Variants in CUBN observed in about 807,000 individuals in gnomAD.
The protein encoded by CUBN is 460 kDa receptor.
Under a neutral mutation model 405.3 loss-of-function variants are expected in CUBN, and 282 were observed. That is an observed-to-expected ratio of 0.70 (90% CI 0.63 to 0.77). CUBN has a LOEUF of 0.77. CUBN is among the 30% of genes least tolerant of loss of function. The pLI, the probability that CUBN is intolerant of heterozygous loss-of-function variation, is 0.00. For missense variants in CUBN, 4,514 were observed against 4,475.2 expected (o/e 1.01, Z -0.25); for synonymous variants, 1,684 against 1,617.0 (o/e 1.04, Z -0.99).
At chr10:16,887,732 C>G (rs1840861442) in intron 56 of CUBN, among the ~76,000 whole-genome samples, 2 of 152,116 alleles carry the variant, frequency 1.3e-5, no homozygotes, top group Non-Finnish European at 2.9e-5. Flanking sequence ...GGCATAGATC[C>G]AAAGGAAATC....
chr10:16,994,283 A>C (rs1474086739), intron 28 of CUBN, among the ~76,000 whole-genome samples: 1 of 152,238 alleles, frequency 6.6e-6, no homozygotes, highest in Non-Finnish European at 1.5e-5. Context: ...TCTTGAAAAA[A>C]AGAAAGACAT....
In CUBN at chr10:16,869,837, C is replaced by T. The variant is rs780837654; in HGVS notation, c.9253G>A (p.Val3085Met). Residue 3085 changes from valine (V) to methionine (M), a missense_variant, in exon 59 of 67, where the codon GTG (valine) becomes ATG (methionine). Around this residue, in one of 5 missense-constraint regions of CUBN, gnomAD observed 1,186 missense variants for 1,186.9 expected, o/e 1.00. Transcript: ENST00000377833. ...TGGGAGCAGGAGGTGGAGGGAACCACATCAAAATCACTGAACCTGTGAAAT... is the reference window on the plus strand; with the variant it reads ...TGGGAGCAGGAGGTGGAGGGAACCATATCAAAATCACTGAACCTGTGAAAT... ...VIELKFSDFD[V>M]VPSTSCSHDY... 1 of 1,611,874 alleles carries T rather than the reference C, an allele frequency of 6.2e-7. No homozygotes were observed. The highest frequency in any genetic ancestry group is 8.5e-7 in the Non-Finnish European group (1 of 1,177,982).
chr10:16,834,858 C>G (rs1164576267), intron 64 of CUBN, among the ~76,000 whole-genome samples, 156 bp downstream of exon 64: 1 of 152,054 alleles, frequency 6.6e-6, no homozygotes, highest in Non-Finnish European at 1.5e-5. Flanking sequence ...TGGACTGGTG[C>G]TCTGTAGATG....
chr10:17,121,786 T>C (rs1047478250), intron 6 of CUBN: 3 of 152,172 alleles, frequency 2.0e-5, no homozygotes, highest in Non-Finnish European at 2.9e-5. Context: ...GATATTGTTA[T>C]GTGGAAATTG....
At chr10:16,873,553 C>A (rs1049646035) in intron 58 of CUBN, among the ~76,000 whole-genome samples, 1 of 151,776 alleles carries the variant, frequency 6.6e-6, no homozygotes, top group Non-Finnish European at 1.5e-5. Flanking sequence ...GAAACCCCGT[C>A]GCTACCAGAA....
intron 63 of CUBN, 84 bp from the exon 64 acceptor site, chr10:16,835,279 CATTGCATTTG>C (rs1839135736): frequency 1.7e-6 from 2 of 1,195,664 alleles, no homozygotes; most frequent in Non-Finnish European, 2.5e-6. Flanking sequence ...TCAAAAAGAT[CATTGCATTTG>C]ATAAACTTTA....
intron 3 of CUBN, among the ~76,000 whole-genome samples, chr10:17,127,283 T>TC (rs1554821853): frequency 9.4e-5 from 14 of 148,364 alleles, no homozygotes; most frequent in African/African-American, 3.0e-4. Flanking sequence ...TTTTTTTTTT[T>TC]CTGGCAAGGT....
intron 27 of CUBN, 137 bp from the exon 28 acceptor site, chr10:17,020,120 A>T: frequency 1.2e-6 from 1 of 834,320 alleles, no homozygotes; most frequent in Non-Finnish European, 2.0e-6. Flanking sequence ...TTGAGTACAC[A>T]GAACTCAACA....
At chr10:16,833,693 G>C (rs1839081877) in intron 64 of CUBN, among the ~76,000 whole-genome samples, 1 of 152,188 alleles carries the variant, frequency 6.6e-6, no homozygotes, top group Non-Finnish European at 1.5e-5. Context: ...AGAAGCAGAA[G>C]ATGTTTTGTT....
intron 28 of CUBN, among the ~76,000 whole-genome samples, chr10:16,998,282 T>A (rs1833789804): frequency 6.6e-6 from 1 of 151,964 alleles, no homozygotes. Flanking sequence ...GGAACTGAAA[T>A]CCAATATTCT....
intron 66 of CUBN, among the ~76,000 whole-genome samples, chr10:16,826,619 A>G (rs1838791874): frequency 6.6e-6 from 1 of 152,252 alleles, no homozygotes. Context: ...CACATTTATA[A>G]AAAAATGTAA....
At chr10:17,030,095 A>C (rs977954845) in intron 27 of CUBN, among the ~76,000 whole-genome samples, 1 of 152,196 alleles carries the variant, frequency 6.6e-6, no homozygotes, top group Admixed American at 6.5e-5. Flanking sequence ...CGAATGCCTG[A>C]TAATCTGTCA....
intron 59 of CUBN, among the ~76,000 whole-genome samples, chr10:16,863,698 C>G (rs1205307155): frequency 6.6e-6 from 1 of 152,166 alleles, no homozygotes; most frequent in African/African-American, 2.4e-5. Flanking sequence ...CTGAATTGGA[C>G]ATGTTAGATT....
intron 34 of CUBN, among the ~76,000 whole-genome samples, chr10:16,948,995 C>A (rs1842854619): frequency 6.6e-6 from 1 of 152,116 alleles, no homozygotes; most frequent in Non-Finnish European, 1.5e-5. Flanking sequence ...CTGGATTCAG[C>A]CCCTGGCTCA....
intron 28 of CUBN, among the ~76,000 whole-genome samples, chr10:17,010,352 C>T (rs1427528353): frequency 6.6e-6 from 1 of 152,104 alleles, no homozygotes; most frequent in Non-Finnish European, 1.5e-5. Context: ...TTGAATCTAC[C>T]CACTTGGGCC....
intron 22 of CUBN, among the ~76,000 whole-genome samples, chr10:17,058,271 G>A (rs530957712): frequency 2.0e-5 from 3 of 152,184 alleles, no homozygotes; most frequent in Non-Finnish European, 4.4e-5. Context: ...AAAGGAACAC[G>A]AGGATCCCTT....
Position 17,044,911 on chromosome 10 carries a change from T to G in CUBN, c.3672+96A>C, listed in dbSNP as rs1835091258. 9.0e-6 allele frequency: 11 copies of G among 1,226,404 alleles called. No individual in the cohort carries two copies. The Admixed American group carries it at 1.7e-4, about 19-fold the overall frequency. 76.0% of individuals were successfully genotyped at this position (1,226,404 alleles called of 1,614,324 possible). ...TTTTTATATGGATGTTCGGTTTAGA[T>G]GCTCCCCTTTCCTGAATCTCGAAAA... is the stretch of plus-strand genomic sequence containing the variant. On this transcript the variant is annotated intron_variant, in intron 25 of 66. Transcript: ENST00000377833.
intron 19 of CUBN, among the ~76,000 whole-genome samples, chr10:17,069,406 CA>C: frequency 6.6e-6 from 1 of 152,242 alleles, no homozygotes; most frequent in South Asian, 2.1e-4. Context: ...GAGGAACTGC[CA>C]ACTGTTTTTC....
intron 28 of CUBN, among the ~76,000 whole-genome samples, chr10:17,018,545 A>G (rs1473775388): frequency 6.6e-6 from 1 of 152,170 alleles, no homozygotes; most frequent in Non-Finnish European, 1.5e-5. Context: ...GTGGACCCAA[A>G]GAGTGAGCAG....
Sources: allele counts gnomAD v4.1 joint callset (sites outside exome capture counted in the v4.1 genomes callset), GRCh38; gene constraint gnomAD v4.1.1; regional missense constraint gnomAD v4.1.1; transcripts MANE v1.5; gene names NCBI Gene and HGNC (gene_info 2026-07-23, HGNC 2026-07-21).